Variants in FBXO16 observed in about 807,000 individuals in gnomAD.
FBXO16 encodes the protein F-box only protein 16.
Under a neutral mutation model 41.0 loss-of-function variants are expected in FBXO16, and 31 were observed. The observed-to-expected ratio is 0.76, with a 90% CI of 0.57 to 1.02. The LOEUF (loss-of-function observed/expected upper bound fraction) is 1.02, where lower values mean the gene tolerates loss of function less well. Among genes scored for constraint, FBXO16 ranks in the 50% least tolerant of loss-of-function variants. FBXO16 has a pLI of 0.00. For missense variants in FBXO16, 361 were observed against 346.2 expected (o/e 1.04, Z -0.34); for synonymous variants, 133 against 117.8 (o/e 1.13, Z -0.84).
At chr8:28,432,618 T>C (rs139266523) in intron 7 of FBXO16, among the ~76,000 whole-genome samples, 1 of 152,318 alleles carries the variant, frequency 6.6e-6, no homozygotes, top group East Asian at 1.9e-4. Flanking sequence ...TTTTCAACGT[T>C]TGCTTTCACA....
intron 1 of FBXO16, among the ~76,000 whole-genome samples, chr8:28,485,995 A>G (rs1342020940): frequency 6.6e-6 from 1 of 151,284 alleles, no homozygotes; most frequent in Non-Finnish European, 1.5e-5. Flanking sequence ...AATACCAGCT[A>G]CTCAGGAGGC....
chr8:28,448,072 A>G (rs1463081663), intron 6 of FBXO16, among the ~76,000 whole-genome samples: 1 of 152,116 alleles, frequency 6.6e-6, no homozygotes, highest in Non-Finnish European at 1.5e-5. Flanking sequence ...GGGCACGGTG[A>G]CTCATGCCCG....
intron 7 of FBXO16, among the ~76,000 whole-genome samples, chr8:28,441,885 T>C (rs1802783017): frequency 6.8e-6 from 1 of 146,192 alleles, no homozygotes; most frequent in East Asian, 1.9e-4. Context: ...TATATATATA[T>C]ATAAACTCCA....
At chr8:28,481,291 T>G (rs1803508019) in intron 2 of FBXO16, among the ~76,000 whole-genome samples, 1 of 151,542 alleles carries the variant, frequency 6.6e-6, no homozygotes, top group South Asian at 2.1e-4. Flanking sequence ...GTGAAAGCAG[T>G]TAGGGGGTGA....
chr8:28,436,155 C>G (rs563741512), intron 7 of FBXO16, among the ~76,000 whole-genome samples: 2 of 152,236 alleles, frequency 1.3e-5, no homozygotes, highest in Non-Finnish European at 2.9e-5. Flanking sequence ...GAGGCTGATG[C>G]TAGTCCCAGT....
At chr8:28,484,749 G>A (rs1187282094) in intron 1 of FBXO16, among the ~76,000 whole-genome samples, 2 of 151,458 alleles carry the variant, frequency 1.3e-5, no homozygotes, top group African/African-American at 2.4e-5. Context: ...CCGCCATCAC[G>A]CCCAGCTAAT....
chr8:28,444,262 A>G (rs1802824746), intron 7 of FBXO16, among the ~76,000 whole-genome samples: 1 of 150,480 alleles, frequency 6.6e-6, no homozygotes, highest in African/African-American at 2.4e-5. Flanking sequence ...TTTCCTCAGT[A>G]TCCATTTCCT....
chr8:28,487,729 T>C lies in FBXO16; in HGVS notation c.-17+2457A>G, dbSNP rs1193306538. ...TTCATATAACACATACAAAACATAA[T>C]TGTCCCCACTTAATCAACAAAATAA... On this transcript the variant is annotated intron_variant, in intron 1 of 8. Coordinates refer to ENST00000380254, the MANE Select transcript of FBXO16 (RefSeq NM_172366.4). Among the ~76,000 whole-genome samples the C allele has an allele frequency of 3.3e-5, 5 of 152,210 alleles. No homozygotes were observed. The East Asian group carries it at 7.7e-4, about 24-fold the overall frequency.
rs74654722 is a variant in FBXO16, at chr8:28,461,886, T to C, written c.342+1726A>G. The stretch of plus-strand genomic sequence containing the variant: ...CTTTGGTTTTATCTGTCTTTTATCC[T>C]ACTGAAATTTTTTTTTCCAGAGAGT... On this transcript the variant is annotated intron_variant, in intron 4 of 8. Coordinates refer to ENST00000380254, the MANE Select transcript of FBXO16 (RefSeq NM_172366.4). Among the ~76,000 whole-genome samples the C allele has an allele frequency of 4.6e-3, 696 of 152,250 alleles. 2 individuals are homozygous for C. The highest frequency in any genetic ancestry group is 8.7e-3 in the African/African-American group (361 of 41,562).
intron 7 of FBXO16, among the ~76,000 whole-genome samples, chr8:28,446,765 G>A (rs1045058475): frequency 2.6e-5 from 4 of 151,916 alleles, no homozygotes; most frequent in Admixed American, 2.6e-4. Flanking sequence ...CAGCTACTTG[G>A]GAGGCTGAGG....
chr8:28,458,079 C>T (rs536380563), intron 4 of FBXO16, among the ~76,000 whole-genome samples: 2 of 152,304 alleles, frequency 1.3e-5, no homozygotes, highest in South Asian at 2.1e-4. Flanking sequence ...AAATTTCACC[C>T]TTAGAAAACT....
intron 2 of FBXO16, among the ~76,000 whole-genome samples, chr8:28,478,899 C>T (rs902509598): frequency 6.6e-6 from 1 of 150,744 alleles, no homozygotes; most frequent in Non-Finnish European, 1.5e-5. Context: ...ATCATGGGGG[C>T]GGTTTGTCAT....
chr8:28,448,445 T>C (rs1043609187), intron 6 of FBXO16, among the ~76,000 whole-genome samples: 29 of 152,138 alleles, frequency 1.9e-4, no homozygotes, highest in Admixed American at 1.9e-3. Flanking sequence ...GTATAGCTTA[T>C]TTTGTATATT....
chr8:28,466,616 C>T (rs1803246324), intron 3 of FBXO16, among the ~76,000 whole-genome samples: 1 of 146,818 alleles, frequency 6.8e-6, no homozygotes, highest in African/African-American at 2.6e-5. Flanking sequence ...ACGGTGAAAA[C>T]CCATCTCTAC....
chr8:28,434,778 C>T (rs187175608), intron 7 of FBXO16, among the ~76,000 whole-genome samples: 7 of 152,270 alleles, frequency 4.6e-5, no homozygotes, highest in Admixed American at 6.5e-5. Flanking sequence ...AGGGAGCATG[C>T]GAGTGAGTGA....
At chr8:28,463,328 GTGTGTTTGTGTGTATATT>G (rs1200647124) in intron 4 of FBXO16, among the ~76,000 whole-genome samples, 2 of 151,420 alleles carry the variant, frequency 1.3e-5, no homozygotes, top group Non-Finnish European at 2.9e-5. Context: ...ATATGTGTAT[GTGTGTTTGTGTGTATATT>G]TGTGTTTGTG....
At chr8:28,486,960 G>A (rs550180901) in intron 1 of FBXO16, among the ~76,000 whole-genome samples, 35 of 152,034 alleles carry the variant, frequency 2.3e-4, no homozygotes, top group Middle Eastern at 3.4e-3. Context: ...GCACATACAC[G>A]CAAAATTTTG....
At chr8:28,480,560 G>A (rs1023184034) in intron 2 of FBXO16, among the ~76,000 whole-genome samples, 1 of 151,614 alleles carries the variant, frequency 6.6e-6, no homozygotes, top group Non-Finnish European at 1.5e-5. Flanking sequence ...ACTGAGTGTA[G>A]TGGTGCAATC....
rs376761497 is a variant in FBXO16 at position 28,429,113 on chromosome 8, T to A, written c.869+265A>T. On this transcript the variant is annotated intron_variant, in intron 8 of 8. Coordinates refer to ENST00000380254, the MANE Select transcript of FBXO16 (RefSeq NM_172366.4). ...GGGCTAGAGACTTGGGATTTTTAGA[T>A]GAGAGTATTGACATCATTCCCATAT... Among the ~76,000 whole-genome samples, 19 of 152,330 alleles carry A rather than the reference T, an allele frequency of 1.2e-4. No individual in the cohort carries two copies. The East Asian group carries it at 3.7e-3, about 29-fold the overall frequency.
Sources: gnomAD v4.1 joint callset for allele counts (sites outside exome capture counted in the v4.1 genomes callset) on GRCh38, gnomAD v4.1.1 for gene constraint, MANE v1.5 for transcripts, NCBI Gene and HGNC (gene_info 2026-07-23, HGNC 2026-07-21) for gene names.